The following SCN3A variants were observed in gnomAD, a reference collection of about 807,000 sequenced individuals.
The protein encoded by SCN3A is sodium channel protein type 3 subunit alpha.
SCN3A carries 60 observed loss-of-function variants against 187.6 expected under a neutral mutation model. That is an observed-to-expected ratio of 0.32 (90% CI 0.26 to 0.40). The LOEUF (loss-of-function observed/expected upper bound fraction) is 0.40. Ranked by LOEUF, SCN3A falls within the 10% of genes least tolerant of loss-of-function variation. The probability of loss-of-function intolerance (pLI) is 1.00; values close to 1 mark genes in which losing one functional copy is unlikely to be tolerated. For missense variants in SCN3A, 1,601 were observed against 2,428.2 expected (o/e 0.66, Z 7.16); for synonymous variants, 788 against 829.2 (o/e 0.95, Z 0.85).
chr2:165,178,528 C>T (rs1316459947), intron 2 of SCN3A, among the ~76,000 whole-genome samples: 2 of 152,086 alleles, frequency 1.3e-5, no homozygotes, highest in Non-Finnish European at 2.9e-5. Context: ...ATGCACTGGG[C>T]CCAAAAAGTG....
At chr2:165,170,628 A>T (rs891666436) in intron 3 of SCN3A, 80 bp from the exon 4 acceptor site, 2 of 858,606 alleles carry the variant, frequency 2.3e-6, no homozygotes, top group Admixed American at 1.9e-5. Context: ...AGAACTTTTT[A>T]AAAAATAGAA....
chr2:165,115,278 G>C (rs1686310216), intron 19 of SCN3A, among the ~76,000 whole-genome samples, 177 bp downstream of exon 19: 2 of 151,552 alleles, frequency 1.3e-5, no homozygotes, highest in Non-Finnish European at 2.9e-5. Flanking sequence ...CATTTCCCAG[G>C]GTGGTCTCAA....
At chr2:165,168,574 G>A (rs1289259296) in intron 5 of SCN3A, among the ~76,000 whole-genome samples, 162 bp downstream of exon 5, 6 of 151,946 alleles carry the variant, frequency 3.9e-5, no homozygotes, top group African/African-American at 1.4e-4. Flanking sequence ...TTACCTCGTA[G>A]AAGAATAGCT....
chr2:165,172,897 C>G (rs971865727), intron 3 of SCN3A, among the ~76,000 whole-genome samples: 1 of 152,002 alleles, frequency 6.6e-6, no homozygotes, highest in Non-Finnish European at 1.5e-5. Context: ...CTGAGAAATG[C>G]AGAATAAAAT....
At position 165,095,575 on chromosome 2, in the gene SCN3A, G is replaced by T; in HGVS notation, c.4367C>A (p.Ser1456Ter). ...LYFVIFIIFG[S>*]FFTLNLFIGV... is the part of the protein sequence containing the mutation. ...AATGAATAGATTCAGAGTGAAGAAT[G>T]ACCCAAAGATGATAAAGATGACAAA... The change falls in exon 25 of 28, where the codon TCA (serine) becomes TAA (stop). Residue 1456 changes from serine to a stop codon, truncating the protein, a stop_gained. Transcript: ENST00000283254. LOFTEE classifies it high-confidence loss of function. The T allele has an allele frequency of 6.3e-7, 1 of 1,599,428 alleles. No homozygotes were observed. Among genetic ancestry groups the T allele is most frequent in the South Asian group, 1.1e-5 (1 of 90,684 alleles).
chr2:165,111,768 C>T (rs990841781), intron 21 of SCN3A, among the ~76,000 whole-genome samples: 2 of 152,098 alleles, frequency 1.3e-5, no homozygotes, highest in African/African-American at 4.8e-5. Flanking sequence ...ACTAAGTTTC[C>T]ATTTGTGCAT....
At chr2:165,096,370 T>C in intron 24 of SCN3A, 97 bp downstream of exon 24, 1 of 904,762 alleles carries the variant, frequency 1.1e-6, no homozygotes, top group Non-Finnish European at 1.8e-6. Flanking sequence ...TATTAAATGT[T>C]CTAATATAGA....
intron 1 of SCN3A, among the ~76,000 whole-genome samples, chr2:165,192,180 C>G (rs1370094895): frequency 6.6e-6 from 1 of 151,804 alleles, no homozygotes; most frequent in Non-Finnish European, 1.5e-5. Flanking sequence ...AATTATGTAG[C>G]CTTATTTAAT....
chr2:165,147,086 G>A lies in SCN3A; in HGVS notation c.1381-57C>T. On this transcript the variant is annotated intron_variant, in intron 11 of 27. Coordinates refer to ENST00000283254, the MANE Select transcript of SCN3A (RefSeq NM_006922.4). ...AACACAGAGCTTTGAAAACAGTTGAGTATGGTTAAAATATTGCCATTTAAG... is the reference window on the plus strand; with the variant it reads ...AACACAGAGCTTTGAAAACAGTTGAATATGGTTAAAATATTGCCATTTAAG... 5 of 1,597,838 alleles carry A rather than the reference G, an allele frequency of 3.1e-6. No individual in the cohort carries two copies. In the South Asian group the frequency reaches 3.3e-5, roughly 11 times the overall value.
At chr2:165,154,389 A>G (rs1688886914) in intron 11 of SCN3A, 63 bp downstream of exon 11, 1 of 1,548,850 alleles carries the variant, frequency 6.5e-7, no homozygotes, top group Non-Finnish European at 8.9e-7. Flanking sequence ...CTATAGTATA[A>G]CACTATTTCT....
rs746866750 is a variant in SCN3A, at chr2:165,137,941, T to A, written c.2329A>T (p.Met777Leu). The A allele has an allele frequency of 1.9e-6, 3 of 1,613,388 alleles. No individual in the cohort carries two copies. The Admixed American group carries it at 5.0e-5, about 27-fold the overall frequency. The change falls in exon 15 of 28, where the codon ATG (methionine) becomes TTG (leucine). Residue 777 changes from methionine to leucine, a missense_variant. By Grantham distance (15) the Met-to-Leu change is conservative. Coordinates refer to ENST00000283254, the MANE Select transcript of SCN3A (RefSeq NM_006922.4). ...GTCATGGGGTAGTGCTCCATGGCCATAAAGAGGGTATTTAAGACAATGCAA... is the reference window on the plus strand; with the variant it reads ...GTCATGGGGTAGTGCTCCATGGCCAAAAAGAGGGTATTTAAGACAATGCAA... ...TICIVLNTLFMAMEHYPMTEQ... is the reference protein window; with the variant it reads ...TICIVLNTLFLAMEHYPMTEQ...
Position 165,177,956 on chromosome 2 carries a change from T to C in SCN3A, c.-50-1512A>G, listed in dbSNP as rs182711228. 1.1e-3 allele frequency among the ~76,000 whole-genome samples: 166 copies of C among 152,278 alleles called. 1 individual carries two copies. Among genetic ancestry groups the C allele is most frequent in the African/African-American group, 3.9e-3 (162 of 41,568 alleles). ...CACCAAAGTCATGATCAAAGTCATC[T>C]GTGACATTTTCCCCATTCCTACCAT... On this transcript the variant is annotated intron_variant, in intron 2 of 27. Transcript: ENST00000283254.
At chr2:165,162,225 A>G in intron 9 of SCN3A, 83 bp downstream of exon 9, 2 of 1,243,218 alleles carry the variant, frequency 1.6e-6, no homozygotes, top group Non-Finnish European at 1.2e-6. Context: ...AAGGCTACAC[A>G]TATAACCATG....
At position 165,088,369 on chromosome 2, in the gene SCN3A, GT is replaced by G. The variant is rs1684929942; in HGVS notation, c.*1780del. The G allele has an allele frequency of 6.6e-6, 1 of 152,322 alleles. No individual in the cohort carries two copies. Among genetic ancestry groups the G allele is most frequent in the African/African-American group, 2.4e-5 (1 of 41,384 alleles). 9.4% of individuals were successfully genotyped at this position (152,322 alleles called of 1,614,324 possible). On this transcript the variant is annotated 3_prime_UTR_variant, in exon 28 of 28. Coordinates refer to ENST00000283254, the MANE Select transcript of SCN3A (RefSeq NM_006922.4). The stretch of plus-strand genomic sequence containing the variant: ...CATGGCTAAAAAGAACAAAGTCCAT[GT>G]TATATTTGTAATAGCTTTAGTGCAG...
intron 18 of SCN3A, chr2:165,122,741 C>T (rs1574147860): frequency 6.6e-6 from 1 of 152,146 alleles, no homozygotes; most frequent in South Asian, 2.1e-4. Context: ...GGGGAAGGAA[C>T]ATAGCTGAGT....
chr2:165,118,929 A>AT (rs1227174901), intron 18 of SCN3A, among the ~76,000 whole-genome samples: 2 of 151,862 alleles, frequency 1.3e-5, no homozygotes, highest in East Asian at 1.9e-4. Flanking sequence ...TGATTGGCTA[A>AT]TTTTTTGTAT....
intron 1 of SCN3A, among the ~76,000 whole-genome samples, chr2:165,197,197 A>G (rs1429328144): frequency 6.6e-6 from 1 of 152,156 alleles, no homozygotes; most frequent in African/African-American, 2.4e-5. Flanking sequence ...AAGTATTTGC[A>G]TAATATCTTT....
intron 21 of SCN3A, among the ~76,000 whole-genome samples, chr2:165,103,523 A>C (rs1006522097): frequency 6.6e-6 from 1 of 152,170 alleles, no homozygotes; most frequent in African/African-American, 2.4e-5. Context: ...TTTTAATATG[A>C]ATTTATATGA....
chr2:165,151,199 C>T (rs976113357), intron 11 of SCN3A, among the ~76,000 whole-genome samples: 4 of 152,160 alleles, frequency 2.6e-5, no homozygotes, highest in African/African-American at 9.7e-5. Context: ...CTAAACAACT[C>T]ATTGCTGTAT....
Sources: gnomAD v4.1 joint callset for allele counts (sites outside exome capture counted in the v4.1 genomes callset) on GRCh38, gnomAD v4.1.1 for gene constraint, MANE v1.5 for transcripts, NCBI Gene and HGNC (gene_info 2026-07-23, HGNC 2026-07-21) for gene names.